Variants in GPR39 observed in about 807,000 individuals in gnomAD.
The protein encoded by GPR39 is zinc sensing receptor.
A neutral mutation model predicts 18.4 loss-of-function variants in GPR39; 23 were observed. The observed-to-expected ratio is 1.25, with a 90% CI of 0.90 to 1.77. The LOEUF (loss-of-function observed/expected upper bound fraction) is 1.77, where lower values mean the gene tolerates loss of function less well. GPR39 is among the 40% of genes most tolerant of loss of function. GPR39 has a pLI of 0.00. For missense variants in GPR39, 647 were observed against 602.4 expected (o/e 1.07, Z -0.78); for synonymous variants, 280 against 257.9 (o/e 1.09, Z -0.82).
At chr2:132,496,023 C>T (rs1573631796) in intron 1 of GPR39, among the ~76,000 whole-genome samples, 1 of 152,230 alleles carries the variant, frequency 6.6e-6, no homozygotes, top group East Asian at 1.9e-4. Flanking sequence ...CTTAATGAGC[C>T]ATTTCAGCAT....
chr2:132,580,960 CAAAAAAAAAAAACA>C (rs1680611181), intron 1 of GPR39, among the ~76,000 whole-genome samples: 1 of 55,276 alleles, frequency 1.8e-5, no homozygotes, highest in Non-Finnish European at 4.0e-5. Flanking sequence ...GACTCTGTCT[CAAAAAAAAAAAACA>C]AAAAAAAAAA....
chr2:132,432,220 T>G (rs1680236238), intron 1 of GPR39, among the ~76,000 whole-genome samples: 1 of 152,180 alleles, frequency 6.6e-6, no homozygotes, highest in Non-Finnish European at 1.5e-5. Context: ...ATTAGCAGAT[T>G]TGGTGTCTGG....
intron 1 of GPR39, among the ~76,000 whole-genome samples, chr2:132,603,237 A>G (rs2104843188): frequency 6.6e-6 from 1 of 152,348 alleles, no homozygotes; most frequent in African/African-American, 2.4e-5. Context: ...TCACTTTAAC[A>G]TGAATGGAAC....
At position 132,417,048 on chromosome 2, in the gene GPR39, T is replaced by C; in HGVS notation, c.6T>C (p.Ala2=). The stretch of plus-strand genomic sequence containing the variant: ...GTAGCCTGGTGCTCTTTCTCATGGC[T>C]TCACCCAGCCTCCCGGGCAGTGACT... M[A]SPSLPGSDCS... Residue 2 remains alanine (A), a synonymous_variant, in exon 1 of 2, where the codon GCT becomes GCC. Coordinates refer to ENST00000329321, the MANE Select transcript of GPR39 (RefSeq NM_001508.3). 1 of 1,613,126 alleles carries C rather than the reference T, an allele frequency of 6.2e-7. No homozygotes were observed. The highest frequency in any genetic ancestry group is 8.5e-7 in the Non-Finnish European group (1 of 1,179,232).
chr2:132,551,873 A>G (rs116467381), intron 1 of GPR39, among the ~76,000 whole-genome samples: 2,335 of 152,224 alleles, frequency 0.015, 73 homozygotes, highest in African/African-American at 0.054. Context: ...GCAAAACACA[A>G]CTCTGTGCTC....
chr2:132,587,989 G>T (rs73955740), intron 1 of GPR39, among the ~76,000 whole-genome samples: 2,064 of 152,340 alleles, frequency 0.014, 52 homozygotes, highest in African/African-American at 0.047. Flanking sequence ...TTCATGGTAA[G>T]GGTGCTGAGG....
intron 1 of GPR39, among the ~76,000 whole-genome samples, chr2:132,570,455 C>T (rs182152178): frequency 8.5e-5 from 13 of 152,220 alleles, no homozygotes; most frequent in East Asian, 7.7e-4. Context: ...ATTCCATATC[C>T]CCCTCCTGCC....
chr2:132,449,395 C>T (rs536917266), intron 1 of GPR39, among the ~76,000 whole-genome samples: 11 of 152,026 alleles, frequency 7.2e-5, no homozygotes, highest in African/African-American at 2.4e-4. Context: ...TACAGGCATG[C>T]GCCACCATGC....
At chr2:132,475,594 G>A (rs376015419) in intron 1 of GPR39, among the ~76,000 whole-genome samples, 1 of 151,908 alleles carries the variant, frequency 6.6e-6, no homozygotes, top group African/African-American at 2.4e-5. Flanking sequence ...ACCAGGTTTC[G>A]TAGTCCCACC....
At chr2:132,543,522 T>C (rs562723049) in intron 1 of GPR39, among the ~76,000 whole-genome samples, 2 of 152,284 alleles carry the variant, frequency 1.3e-5, no homozygotes, top group South Asian at 4.2e-4. Context: ...ATACTAAGGA[T>C]AGGAAACCTG....
At chr2:132,425,787 G>A (rs962673061) in intron 1 of GPR39, among the ~76,000 whole-genome samples, 6 of 152,120 alleles carry the variant, frequency 3.9e-5, no homozygotes, top group African/African-American at 1.4e-4. Flanking sequence ...GCTGGCTTTG[G>A]AGATGGAGGG....
intron 1 of GPR39, among the ~76,000 whole-genome samples, chr2:132,605,687 G>T (rs1299253907): frequency 6.6e-6 from 1 of 152,126 alleles, no homozygotes; most frequent in Admixed American, 6.5e-5. Flanking sequence ...ATGCTATTTG[G>T]CAGTGGGATT....
At chr2:132,510,200 G>A (rs527971870) in intron 1 of GPR39, among the ~76,000 whole-genome samples, 5 of 152,196 alleles carry the variant, frequency 3.3e-5, no homozygotes, top group African/African-American at 7.2e-5. Context: ...TTTGTGAAGC[G>A]GGTTCACTGG....
rs565192802 is a variant in GPR39, at chr2:132,505,383, C to G, written c.856+87485C>G. Among the ~76,000 whole-genome samples the G allele has an allele frequency of 2.6e-5, 4 of 152,286 alleles. No individual in the cohort carries two copies. The East Asian group carries it at 7.7e-4, about 29-fold the overall frequency. On this transcript the variant is annotated intron_variant, in intron 1 of 1. Transcript: ENST00000329321. ...GGTGCCCACCACCTGGGGAAGTTATCACTTCTATGTATTGCAAACATTTCA... is the reference window on the plus strand; with the variant it reads ...GGTGCCCACCACCTGGGGAAGTTATGACTTCTATGTATTGCAAACATTTCA...
intron 1 of GPR39, among the ~76,000 whole-genome samples, chr2:132,564,738 G>A (rs1322678782): frequency 1.3e-5 from 2 of 149,542 alleles, no homozygotes; most frequent in Non-Finnish European, 3.0e-5. Flanking sequence ...GTTTATTGAT[G>A]AGTATTCTTA....
chr2:132,463,632 A>G (rs979760815), intron 1 of GPR39, among the ~76,000 whole-genome samples: 3 of 152,208 alleles, frequency 2.0e-5, no homozygotes, highest in African/African-American at 7.2e-5. Context: ...CTCAGTTTAT[A>G]AAATAAGAAG....
At position 132,417,750 on chromosome 2, in the gene GPR39, C is replaced by T. The variant is rs1303124619; in HGVS notation, c.708C>T (p.Leu236=). 1 of 1,614,106 alleles carries T rather than the reference C, an allele frequency of 6.2e-7. No homozygotes were observed. The highest frequency in any genetic ancestry group is 1.3e-5 in the African/African-American group (1 of 74,948). The change falls in exon 1 of 2, where the codon CTC becomes CTT. Residue 236 remains leucine, a synonymous_variant. Coordinates refer to ENST00000329321, the MANE Select transcript of GPR39 (RefSeq NM_001508.3). ...TCGTGGTCTACCTCGTGGTCCTGCT[C>T]TCCGTAGCCTTCATGTGCTGGAACA... ...GAFVVYLVVL[L]SVAFMCWNMM... is the part of the protein sequence containing the mutation.
intron 1 of GPR39, among the ~76,000 whole-genome samples, chr2:132,520,649 T>G (rs2104766439): frequency 6.6e-6 from 1 of 152,374 alleles, no homozygotes; most frequent in Non-Finnish European, 1.5e-5. Context: ...TGTATTGCTT[T>G]GGTTCAGTTA....
At chr2:132,574,885 T>C (rs1330066106) in intron 1 of GPR39, among the ~76,000 whole-genome samples, 1 of 152,246 alleles carries the variant, frequency 6.6e-6, no homozygotes, top group Non-Finnish European at 1.5e-5. Context: ...TGGTTTAAGA[T>C]TAAACAGGCA....
Sources: allele counts gnomAD v4.1 joint callset (sites outside exome capture counted in the v4.1 genomes callset), GRCh38; gene constraint gnomAD v4.1.1; transcripts MANE v1.5; gene names NCBI Gene and HGNC (gene_info 2026-07-23, HGNC 2026-07-21).